FBLN1: variants seen among roughly 807,000 people sequenced by gnomAD.
The protein encoded by FBLN1 is fibulin 1.
In FBLN1, 34 loss-of-function variants were observed where a neutral mutation model predicts 89.7. That is an observed-to-expected ratio of 0.38 (90% confidence interval 0.29 to 0.50). FBLN1 has a LOEUF of 0.50. Ranked by LOEUF, FBLN1 falls within the 20% of genes least tolerant of loss-of-function variation. The pLI, the probability that FBLN1 is intolerant of heterozygous loss-of-function variation, is 0.92. For missense variants in FBLN1, 777 were observed against 988.1 expected (o/e 0.79, Z 2.86); for synonymous variants, 393 against 391.3 (o/e 1.00, Z -0.05).
chr22:45,541,429 C>A (rs564839224), intron 9 of FBLN1, 57 bp downstream of exon 9: 2 of 1,605,980 alleles, frequency 1.2e-6, no homozygotes, highest in East Asian at 2.2e-5. Flanking sequence ...CCAGCATGCA[C>A]CCTGCCTTCT....
intron 1 of FBLN1, among the ~76,000 whole-genome samples, chr22:45,513,862 T>G (rs1437296481): frequency 6.6e-6 from 1 of 152,028 alleles, no homozygotes; most frequent in Non-Finnish European, 1.5e-5. Flanking sequence ...GGCGTGATCT[T>G]GGCTCACTGC....
At chr22:45,548,315 C>T (rs528006148) in intron 12 of FBLN1, among the ~76,000 whole-genome samples, 84 of 152,348 alleles carry the variant, frequency 5.5e-4, no homozygotes, top group Non-Finnish European at 1.1e-3. Context: ...CCTCCCATGC[C>T]TGGGATTCCA....
At chr22:45,582,175 C>A (rs1446262556) in intron 16 of FBLN1, among the ~76,000 whole-genome samples, 1 of 152,206 alleles carries the variant, frequency 6.6e-6, no homozygotes, top group Non-Finnish European at 1.5e-5. Context: ...TCCGGGACTC[C>A]CCATCCCCAT....
At chr22:45,592,321 G>T (rs2089145313) in intron 16 of FBLN1, among the ~76,000 whole-genome samples, 1 of 152,074 alleles carries the variant, frequency 6.6e-6, no homozygotes, top group African/African-American at 2.4e-5. Context: ...ATACTTCCAT[G>T]TGCTTTTTTG....
chr22:45,535,428 A>G (rs1468946614), intron 8 of FBLN1, 91 bp downstream of exon 8: 3 of 1,513,152 alleles, frequency 2.0e-6, no homozygotes, highest in Admixed American at 1.9e-5. Context: ...GCGGGGCCGC[A>G]TGGTATACAG....
Position 45,579,311 on chromosome 22 carries a change from C to T in FBLN1, c.1972+2203C>T, listed in dbSNP as rs2089023913. Among the ~76,000 whole-genome samples the T allele has an allele frequency of 6.6e-6, 1 of 152,358 alleles. No individual in the cohort carries two copies. Among genetic ancestry groups the T allele is most frequent in the African/African-American group, 2.4e-5 (1 of 41,594 alleles). ...GAGGGGAAACTGAGGCCCGGAAGGG[C>T]GAGGGGGCTTGCCAGTCTTCTTACA... On this transcript the variant is annotated intron_variant, in intron 16 of 16. Transcript: ENST00000327858. This position sits in a 1 kb window ranked among gnomAD's most constrained non-coding sequence, Gnocchi z 5.5.
chr22:45,560,933 G>A (rs1470958545), intron 14 of FBLN1, among the ~76,000 whole-genome samples: 14 of 152,276 alleles, frequency 9.2e-5, no homozygotes, highest in African/African-American at 2.4e-4. Flanking sequence ...CTCAGGCAGC[G>A]TGGGGTTTAT....
intron 10 of FBLN1, among the ~76,000 whole-genome samples, chr22:45,543,157 C>T (rs1008654279): frequency 6.6e-6 from 1 of 152,168 alleles, no homozygotes; most frequent in Non-Finnish European, 1.5e-5. Flanking sequence ...ATCCCTGTTA[C>T]TTGGGAGGCT....
rs112786991 is a variant in FBLN1, at chr22:45,561,613, C to T, written c.1697+10998C>T. ...ATCGTTAACCAGCCAACCCCAGAAA[C>T]CCCAAAACCAATGAAAGAACTCCAT... On this transcript the variant is annotated intron_variant, in intron 14 of 16. Coordinates refer to ENST00000327858, the MANE Select transcript of FBLN1 (RefSeq NM_006486.3). This position sits in a 1 kb window ranked among gnomAD's most constrained non-coding sequence, Gnocchi z 4.7. Among the ~76,000 whole-genome samples, 3,308 of 152,228 alleles carry T rather than the reference C, an allele frequency of 0.022. 109 individuals are homozygous for T. Among genetic ancestry groups the T allele is most frequent in the African/African-American group, 0.075 (3,125 of 41,504 alleles).
At position 45,562,374 on chromosome 22, in the gene FBLN1, C is replaced by T. The variant is rs1344453949; in HGVS notation, c.1697+11759C>T. ...GGAAGGCCACATTCTCTCTGAGCCT[C>T]AGTGTCCTCATGTGAAAAATATCAC... is the stretch of plus-strand genomic sequence containing the variant. On this transcript the variant is annotated intron_variant, in intron 14 of 16. Coordinates refer to ENST00000327858, the MANE Select transcript of FBLN1 (RefSeq NM_006486.3). The surrounding 1 kb of genome is among the most constrained non-coding windows in gnomAD (Gnocchi z 7.8). Among the ~76,000 whole-genome samples, 2 of 152,224 alleles carry T rather than the reference C, an allele frequency of 1.3e-5. No individual in the cohort carries two copies. The highest frequency in any genetic ancestry group is 3.8e-4 in the East Asian group (2 of 5,196).
chr22:45,535,915 G>T (rs1416077197), intron 8 of FBLN1, among the ~76,000 whole-genome samples: 3 of 152,224 alleles, frequency 2.0e-5, no homozygotes, highest in Non-Finnish European at 4.4e-5. Flanking sequence ...GGGCACAGTG[G>T]GTCACGCCTG....
At chr22:45,555,719 C>T (rs1259128725) in intron 14 of FBLN1, among the ~76,000 whole-genome samples, 1 of 152,128 alleles carries the variant, frequency 6.6e-6, no homozygotes, top group East Asian at 1.9e-4. Flanking sequence ...ACAAGTCCAC[C>T]CCTTGTCAAC....
intron 14 of FBLN1, among the ~76,000 whole-genome samples, chr22:45,573,393 A>G (rs1312911327): frequency 6.6e-6 from 1 of 151,332 alleles, no homozygotes; most frequent in African/African-American, 2.4e-5. Flanking sequence ...AAACCCAAGT[A>G]GGCCGGGCTC....
At chr22:45,533,011 C>T (rs1306431026) in intron 5 of FBLN1, 52 bp from the exon 6 acceptor site, 1 of 1,537,148 alleles carries the variant, frequency 6.5e-7, no homozygotes, top group Non-Finnish European at 9.0e-7. Context: ...AGCTAGAAAC[C>T]AGGCGGTGCC....
rs565104374 is a variant in FBLN1, at chr22:45,591,450, A to G, written c.1973-8857A>G. Reference sequence around the variant, plus strand: ...AAACGAAGAGCTGTCTCTTTCGTTCAGCTACCTTCAGCTGTCCCCTCCAAA... The same window carrying G: ...AAACGAAGAGCTGTCTCTTTCGTTCGGCTACCTTCAGCTGTCCCCTCCAAA... On this transcript the variant is annotated intron_variant, in intron 16 of 16. Coordinates refer to ENST00000327858, the MANE Select transcript of FBLN1 (RefSeq NM_006486.3). 1.3e-3 allele frequency among the ~76,000 whole-genome samples: 200 copies of G among 152,258 alleles called. 1 individual carries two copies. Among genetic ancestry groups the G allele is most frequent in the Non-Finnish European group, 1.9e-3 (129 of 68,018 alleles).
rs931572877 is a variant in FBLN1, at chr22:45,590,388, T to C, written c.1973-9919T>C. Among the ~76,000 whole-genome samples the C allele has an allele frequency of 6.6e-6, 1 of 152,100 alleles. No homozygotes were observed. The highest frequency in any genetic ancestry group is 1.5e-5 in the Non-Finnish European group (1 of 68,004). ...CCTGCCCTTCGTGGCCCCCTCACCT[T>C]GGGGGATTGCAAGGGGTTCAGTGTG... On this transcript the variant is annotated intron_variant, in intron 16 of 16. Coordinates refer to ENST00000327858, the MANE Select transcript of FBLN1 (RefSeq NM_006486.3). The surrounding 1 kb of genome is among the most constrained non-coding windows in gnomAD (Gnocchi z 4.1).
intron 1 of FBLN1, among the ~76,000 whole-genome samples, chr22:45,515,460 G>A (rs2088157066): frequency 6.6e-6 from 1 of 152,190 alleles, no homozygotes; most frequent in Non-Finnish European, 1.5e-5. Flanking sequence ...GTCCTGCTGA[G>A]AGTGAGGTTC....
At chr22:45,591,226 C>T (rs567047764) in intron 16 of FBLN1, among the ~76,000 whole-genome samples, 1 of 152,288 alleles carries the variant, frequency 6.6e-6, no homozygotes, top group African/African-American at 2.4e-5. Flanking sequence ...CGTAACCACA[C>T]AGAGCCAAAT....
intron 14 of FBLN1, among the ~76,000 whole-genome samples, chr22:45,566,874 G>A (rs1019933754): frequency 7.2e-5 from 11 of 152,180 alleles, no homozygotes; most frequent in Non-Finnish European, 1.5e-5. Flanking sequence ...CAATAAGGGT[G>A]ATTTTTATTG....
Sources: allele counts gnomAD v4.1 joint callset (sites outside exome capture counted in the v4.1 genomes callset), GRCh38; gene constraint gnomAD v4.1.1; non-coding constraint Gnocchi (gnomAD v3.1); transcripts MANE v1.5; gene names NCBI Gene and HGNC (gene_info 2026-07-23, HGNC 2026-07-21).